Variants in IKBKB observed in about 807,000 individuals in gnomAD.
IKBKB encodes inhibitor of nuclear factor kappa B kinase subunit beta.
A neutral mutation model predicts 113.6 loss-of-function variants in IKBKB; 42 were observed. The ratio of observed to expected loss-of-function variants is 0.37; its 90% CI spans 0.29 to 0.48. The LOEUF is 0.48. Among genes scored for constraint, IKBKB ranks in the 20% least tolerant of loss-of-function variants. The pLI is 0.99. For synonymous variants in IKBKB, 296 were observed against 361.3 expected (o/e 0.82, Z 2.05); for missense variants, 673 against 939.7 (o/e 0.72, Z 3.71).
chr8:42,301,109 G>A (rs1309992157), intron 5 of IKBKB, among the ~76,000 whole-genome samples: 7 of 151,856 alleles, frequency 4.6e-5, no homozygotes, highest in Non-Finnish European at 5.9e-5. Flanking sequence ...CTCCTCCCTC[G>A]GCCTCCGAAA....
chr8:42,284,014 C>T (rs1374557689), intron 2 of IKBKB, among the ~76,000 whole-genome samples: 1 of 152,152 alleles, frequency 6.6e-6, no homozygotes, highest in African/African-American at 2.4e-5. Context: ...CCTGCGTTCC[C>T]CACGTCTGAG....
chr8:42,290,051 AG>A (rs1459912429), intron 3 of IKBKB, 104 bp from the exon 4 acceptor site: 1 of 789,240 alleles, frequency 1.3e-6, no homozygotes, highest in Non-Finnish European at 2.1e-6. Context: ...TCTGTTTCAA[AG>A]CCCTGGGTTA....
chr8:42,322,803 C>G (rs932867420), intron 19 of IKBKB, among the ~76,000 whole-genome samples: 2 of 152,140 alleles, frequency 1.3e-5, no homozygotes, highest in Admixed American at 6.6e-5. Flanking sequence ...GTAACGCCAG[C>G]AATTTGGGGA....
chr8:42,305,297 G>A (rs1816281703), intron 6 of IKBKB, 22 bp downstream of exon 6: 3 of 1,535,480 alleles, frequency 2.0e-6, no homozygotes, highest in Non-Finnish European at 2.7e-6. Flanking sequence ...CCTGGGACTG[G>A]GAAAGCCTCA....
Position 42,314,499 on chromosome 8 carries a change from C to G in IKBKB, c.800+70C>G, listed in dbSNP as rs7814513. The G allele has an allele frequency of 0.88, 919,821 of 1,051,218 alleles. 411,842 individuals carry two copies. The highest frequency in any genetic ancestry group is 0.93 in the Non-Finnish European group (623,170 of 669,912). The allele number at this position is 1,051,218 out of a possible 1,614,324, so 65.1% of individuals were successfully genotyped here. On this transcript the variant is annotated intron_variant, in intron 9 of 21. Coordinates refer to ENST00000520810, the MANE Select transcript of IKBKB (RefSeq NM_001556.3). ...TTTTAGAAATACAAGTCTTGGCTGG[C>G]CGTGGTGGCTCACACCTGTAATCCT...
chr8:42,271,967 T>G, intron 1 of IKBKB, 116 bp from the exon 2 acceptor site: 1 of 1,109,290 alleles, frequency 9.0e-7, no homozygotes, highest in Non-Finnish European at 1.3e-6. Flanking sequence ...AAAAAACCAG[T>G]TGTATTTTTC....
chr8:42,278,507 A>G (rs1365201423), intron 2 of IKBKB, among the ~76,000 whole-genome samples: 2 of 152,142 alleles, frequency 1.3e-5, no homozygotes, highest in Non-Finnish European at 2.9e-5. Context: ...CTCATGGAGT[A>G]GCTACTCCCA....
chr8:42,326,724 G>A (rs1820812095), intron 20 of IKBKB, among the ~76,000 whole-genome samples: 1 of 152,212 alleles, frequency 6.6e-6, no homozygotes, highest in Admixed American at 6.5e-5. Flanking sequence ...GGCCAGCAGT[G>A]CATCATCAAA....
rs1371864279 is a variant in IKBKB, at chr8:42,290,241, A to G, written c.286A>G (p.Met96Val). The G allele has an allele frequency of 1.2e-6, 2 of 1,613,424 alleles. No homozygotes were observed. Among genetic ancestry groups the G allele is most frequent in the Admixed American group, 1.7e-5 (1 of 59,928 alleles). The change falls in exon 4 of 22, where the codon ATG (methionine) becomes GTG (valine). Residue 96 changes from methionine (M) to valine (V), a missense_variant. Met to Val is a conservative substitution (Grantham distance 21). Coordinates refer to ENST00000520810, the MANE Select transcript of IKBKB (RefSeq NM_001556.3). ...GCCCAATGACCTGCCCCTGCTGGCC[A>G]TGGAGTACTGCCAAGGAGGAGATCT... ...LAPNDLPLLA[M>V]EYCQGGDLRK...
At chr8:42,319,248 C>T (rs751600836) in intron 13 of IKBKB, 22 bp from the exon 14 acceptor site, 1 of 1,612,798 alleles carries the variant, frequency 6.2e-7, no homozygotes, top group African/African-American at 1.3e-5. Context: ...TGCTCCAAGA[C>T]TGTTCCTTGT....
intron 5 of IKBKB, among the ~76,000 whole-genome samples, chr8:42,299,638 G>A (rs886424340): frequency 4.6e-5 from 7 of 152,110 alleles, no homozygotes; most frequent in African/African-American, 1.7e-4. Context: ...GAACCCACCT[G>A]CCAACCTCTG....
At chr8:42,330,374 C>CT in intron 21 of IKBKB, 5 of 927,592 alleles carry the variant, frequency 5.4e-6, no homozygotes, top group Non-Finnish European at 6.4e-6. Context: ...TTTATGCAGC[C>CT]TGGGTCTTGC....
chr8:42,314,087 C>A, intron 8 of IKBKB: 1 of 509,328 alleles, frequency 2.0e-6, no homozygotes, highest in Non-Finnish European at 3.5e-6. Context: ...TTAGATACAC[C>A]AATACTTACC....
Position 42,331,107 on chromosome 8 carries a change from C to T in IKBKB, c.*128C>T, listed in dbSNP as rs371084696. The T allele has an allele frequency of 1.3e-4, 187 of 1,420,766 alleles. No homozygotes were observed. The East Asian group carries it at 3.4e-3, about 26-fold the overall frequency. The allele number at this position is 1,420,766 out of a possible 1,614,324, so 88.0% of individuals were successfully genotyped here. A position where few individuals can be genotyped will look rare whatever the true frequency, so the allele number is the denominator to read the frequency against. On this transcript the variant is annotated 3_prime_UTR_variant, in exon 22 of 22. Transcript: ENST00000520810. ...GACGTGGGGCTGCCTGGCCGCGGCT[C>T]TCACATGGTGGTTCCTGCTGCACTG...
At chr8:42,310,258 G>A (rs1041933331) in intron 8 of IKBKB, among the ~76,000 whole-genome samples, 2 of 152,012 alleles carry the variant, frequency 1.3e-5, no homozygotes, top group African/African-American at 2.4e-5. Context: ...TTTTGGAACC[G>A]TAATAAGTTC....
rs1435268156 is a variant in IKBKB, at chr8:42,271,974, TTTC to T, written c.-18-104_-18-102del. 1.5e-5 allele frequency: 18 copies of T among 1,172,806 alleles called. No individual in the cohort carries two copies. The African/African-American group carries it at 2.3e-4, about 15-fold the overall frequency. 72.6% of individuals were successfully genotyped at this position (1,172,806 alleles called of 1,614,324 possible). A position where few individuals can be genotyped will look rare whatever the true frequency, so the allele number is the denominator to read the frequency against. On this transcript the variant is annotated intron_variant, in intron 1 of 21. Coordinates refer to ENST00000520810, the MANE Select transcript of IKBKB (RefSeq NM_001556.3). Reference sequence around the variant, plus strand: ...TACAAAATAAAAAACCAGTTGTATTTTTCTTCTCTCCCATTCAAGAGCAGTGGT... The same window carrying T: ...TACAAAATAAAAAACCAGTTGTATTTTTCTCTCCCATTCAAGAGCAGTGGT...
chr8:42,286,441 G>A (rs1395836214), intron 2 of IKBKB, among the ~76,000 whole-genome samples: 1 of 152,170 alleles, frequency 6.6e-6, no homozygotes, highest in African/African-American at 2.4e-5. Flanking sequence ...CATGGGAACA[G>A]CCACACTGGG....
intron 2 of IKBKB, among the ~76,000 whole-genome samples, chr8:42,275,460 C>T (rs937613190): frequency 6.6e-6 from 1 of 152,270 alleles, no homozygotes; most frequent in East Asian, 1.9e-4. Flanking sequence ...GCTGGGATTA[C>T]AGGTGTCAGC....
In IKBKB at chr8:42,326,468, C is replaced by T. The variant is rs181381413; in HGVS notation, c.2114+371C>T. The T allele has an allele frequency of 7.8e-4, 144 of 185,128 alleles. 1 individual carries two copies. The East Asian group carries it at 0.016, about 20-fold the overall frequency. The allele number at this position is 185,128 out of a possible 1,614,324, so 11.5% of individuals were successfully genotyped here. A position where few individuals can be genotyped will look rare whatever the true frequency, so the allele number is the denominator to read the frequency against. On this transcript the variant is annotated intron_variant, in intron 20 of 21. Coordinates refer to ENST00000520810, the MANE Select transcript of IKBKB (RefSeq NM_001556.3). ...CTTGAGTTACCGAGTCACCACCCTC[C>T]TCCCGGTGCCACTGACCTTCCCATT... is the stretch of plus-strand genomic sequence containing the variant.
Sources: allele counts gnomAD v4.1 joint callset (sites outside exome capture counted in the v4.1 genomes callset), GRCh38; gene constraint gnomAD v4.1.1; transcripts MANE v1.5; gene names NCBI Gene and HGNC (gene_info 2026-07-23, HGNC 2026-07-21).